Variants in ADAM23 observed in about 807,000 individuals in gnomAD.
ADAM23 encodes the protein disintegrin and metalloproteinase domain-containing protein 23.
A neutral mutation model predicts 120.1 loss-of-function variants in ADAM23; 33 were observed. That is an observed-to-expected ratio of 0.27 (90% CI 0.21 to 0.37). ADAM23 has a LOEUF of 0.37. Ranked by LOEUF, ADAM23 falls within the 10% of genes least tolerant of loss-of-function variation. The pLI is 1.00. For synonymous variants in ADAM23, 367 were observed against 375.2 expected (o/e 0.98, Z 0.25); for missense variants, 862 against 1,058.2 (o/e 0.81, Z 2.57).
At chr2:206,502,665 A>G (rs372119701) in intron 3 of ADAM23, among the ~76,000 whole-genome samples, 7 of 152,074 alleles carry the variant, frequency 4.6e-5, no homozygotes, top group Admixed American at 2.0e-4. Context: ...CATTATCTTT[A>G]TCTATCTCCA....
chr2:206,517,688 T>C (rs1696763680), intron 3 of ADAM23, among the ~76,000 whole-genome samples: 1 of 152,160 alleles, frequency 6.6e-6, no homozygotes, highest in Non-Finnish European at 1.5e-5. Context: ...CACTTCATTT[T>C]TCTACCCCTG....
At chr2:206,481,439 G>A in intron 3 of ADAM23, 131 bp downstream of exon 3, 1 of 569,108 alleles carries the variant, frequency 1.8e-6, no homozygotes, top group Non-Finnish European at 2.8e-6. Flanking sequence ...AGCATGTAAA[G>A]TATAAAATTC....
intron 5 of ADAM23, 56 bp downstream of exon 5, chr2:206,542,190 A>G: frequency 2.0e-6 from 3 of 1,522,332 alleles, no homozygotes; most frequent in Non-Finnish European, 2.7e-6. Context: ...TTTCCCTTTT[A>G]TGGATATATA....
intron 13 of ADAM23, among the ~76,000 whole-genome samples, chr2:206,563,562 C>T (rs1451000029): frequency 6.6e-6 from 1 of 152,006 alleles, no homozygotes; most frequent in East Asian, 1.9e-4. Flanking sequence ...ACCTTAAAAC[C>T]AGAAAGGTGT....
intron 18 of ADAM23, among the ~76,000 whole-genome samples, chr2:206,582,021 G>A (rs1454192682): frequency 6.6e-6 from 1 of 152,142 alleles, no homozygotes; most frequent in Non-Finnish European, 1.5e-5. Flanking sequence ...GGGATTACAG[G>A]CAGGTGCCAC....
intron 2 of ADAM23, among the ~76,000 whole-genome samples, chr2:206,472,045 A>G (rs1446740625): frequency 6.6e-6 from 1 of 152,202 alleles, no homozygotes; most frequent in African/African-American, 2.4e-5. Context: ...AAATGTATAG[A>G]AGACGTTTCA....
chr2:206,468,586 C>G (rs1203615843), intron 2 of ADAM23, among the ~76,000 whole-genome samples: 2 of 152,178 alleles, frequency 1.3e-5, no homozygotes, highest in African/African-American at 4.8e-5. Flanking sequence ...CATAACCATT[C>G]AACTAGTCTC....
intron 3 of ADAM23, among the ~76,000 whole-genome samples, chr2:206,505,871 C>T (rs1332725479): frequency 6.6e-6 from 1 of 152,128 alleles, no homozygotes; most frequent in Non-Finnish European, 1.5e-5. Context: ...GGATCTCCAC[C>T]GGCTGTCTAA....
intron 4 of ADAM23, 50 bp downstream of exon 4, chr2:206,530,998 A>G: frequency 2.0e-6 from 3 of 1,510,964 alleles, no homozygotes; most frequent in Non-Finnish European, 2.8e-6. Context: ...TGCTTATCAT[A>G]GAGTTGATCA....
At chr2:206,579,480 T>C (rs1464067101) in intron 18 of ADAM23, among the ~76,000 whole-genome samples, 2 of 152,202 alleles carry the variant, frequency 1.3e-5, no homozygotes, top group African/African-American at 4.8e-5. Context: ...GCACCATTTA[T>C]TGAAAAGGGT....
chr2:206,580,223 G>GGCT (rs1698196859), intron 18 of ADAM23, among the ~76,000 whole-genome samples: 1 of 152,110 alleles, frequency 6.6e-6, no homozygotes, highest in Admixed American at 6.5e-5. Context: ...TCTCTTGTCT[G>GGCT]ATTGCTCTGG....
intron 3 of ADAM23, among the ~76,000 whole-genome samples, chr2:206,511,552 C>T (rs1384419949): frequency 6.6e-6 from 1 of 152,164 alleles, no homozygotes; most frequent in Non-Finnish European, 1.5e-5. Flanking sequence ...TGGAGGGGTG[C>T]ATCCCTCCCT....
At chr2:206,504,086 T>G (rs1696446354) in intron 3 of ADAM23, among the ~76,000 whole-genome samples, 1 of 152,180 alleles carries the variant, frequency 6.6e-6, no homozygotes, top group African/African-American at 2.4e-5. Context: ...CCTTGGTATA[T>G]CTTTGATATA....
intron 2 of ADAM23, among the ~76,000 whole-genome samples, chr2:206,477,897 A>AAAATATATATATATATATAT (rs374524658): frequency 2.0e-4 from 19 of 93,556 alleles, no homozygotes; most frequent in South Asian, 6.5e-4. Flanking sequence ...AAAAAAAAAA[A>AAAATATATATATATATATAT]ATATATATAT....
At chr2:206,611,259 T>A (rs1482171828) in intron 25 of ADAM23, among the ~76,000 whole-genome samples, 1 of 152,182 alleles carries the variant, frequency 6.6e-6, no homozygotes, top group Non-Finnish European at 1.5e-5. Flanking sequence ...GTTGAACTTG[T>A]TTAGTAATGT....
chr2:206,495,150 G>A (rs367795354), intron 3 of ADAM23, among the ~76,000 whole-genome samples: 147 of 152,052 alleles, frequency 9.7e-4, no homozygotes, highest in Non-Finnish European at 1.5e-3. Flanking sequence ...AATAGAGAAC[G>A]CCACAAAGAT....
At chr2:206,483,943 G>A (rs979629585) in intron 3 of ADAM23, among the ~76,000 whole-genome samples, 1 of 152,118 alleles carries the variant, frequency 6.6e-6, no homozygotes, top group African/African-American at 2.4e-5. Flanking sequence ...ATCAAGGCAG[G>A]GCTTTTTAAT....
intron 18 of ADAM23, among the ~76,000 whole-genome samples, chr2:206,584,831 T>C (rs1698290371): frequency 6.6e-6 from 1 of 152,186 alleles, no homozygotes; most frequent in Non-Finnish European, 1.5e-5. Context: ...TACCCCCTGC[T>C]CCTCTGGCCA....
intron 4 of ADAM23, among the ~76,000 whole-genome samples, chr2:206,540,920 ATT>A (rs547563551): frequency 5.9e-4 from 87 of 146,936 alleles, no homozygotes; most frequent in African/African-American, 2.0e-3. Context: ...AAAAATTATT[ATT>A]TTTATTATTA....
Sources: allele counts gnomAD v4.1 joint callset (sites outside exome capture counted in the v4.1 genomes callset), GRCh38; gene constraint gnomAD v4.1.1; transcripts MANE v1.5; gene names NCBI Gene and HGNC (gene_info 2026-07-23, HGNC 2026-07-21).